Variants in PPP1R9A observed in about 807,000 individuals in gnomAD.
The protein encoded by PPP1R9A is protein phosphatase 1 regulatory subunit 9A.
Under a neutral mutation model 141.9 loss-of-function variants are expected in PPP1R9A, and 59 were observed. That is an observed-to-expected ratio of 0.42 (90% CI 0.34 to 0.52). The LOEUF is 0.52. PPP1R9A is among the 20% of genes least tolerant of loss of function. The probability of loss-of-function intolerance (pLI) is 0.10; values close to 1 mark genes in which losing one functional copy is unlikely to be tolerated. For synonymous variants in PPP1R9A, 500 were observed against 569.7 expected, an observed-to-expected ratio of 0.88 and a Z score of 1.74; for missense variants, 1,444 against 1,611.9, an observed-to-expected ratio of 0.90 and a Z score of 1.78.
At chr7:95,281,374 CCTGT>C (rs1804196287) in intron 16 of PPP1R9A, among the ~76,000 whole-genome samples, 1 of 152,262 alleles carries the variant, frequency 6.6e-6, no homozygotes, top group East Asian at 1.9e-4. Flanking sequence ...CTTCCTCCTT[CCTGT>C]CTATTACTTG....
intron 4 of PPP1R9A, among the ~76,000 whole-genome samples, chr7:95,140,175 T>C (rs140039796): frequency 2.4e-4 from 37 of 152,252 alleles, no homozygotes; most frequent in African/African-American, 8.4e-4. Flanking sequence ...GAGCGTAAGC[T>C]AGAGAGAACT....
rs916467233 is a variant in PPP1R9A at position 95,234,484 on chromosome 7, C to CCTCT, written c.2112+8369_2112+8372dup. On this transcript the variant is annotated intron_variant, in intron 8 of 19. Transcript: ENST00000433360. ...TATACCTAACCAAGAAGGTAAAAGA[C>CCTCT]CTCTATAAGGAAAACTACAAAACAC... Among the ~76,000 whole-genome samples, 80 of 152,166 alleles carry CCTCT rather than the reference C, an allele frequency of 5.3e-4. 2 individuals carry two copies. The highest frequency in any genetic ancestry group is 1.9e-3 in the African/African-American group (78 of 41,512).
At chr7:95,213,248 A>G (rs1199879304) in intron 7 of PPP1R9A, among the ~76,000 whole-genome samples, 2 of 151,094 alleles carry the variant, frequency 1.3e-5, no homozygotes, top group Non-Finnish European at 2.9e-5. Flanking sequence ...ATCACTCATT[A>G]TTCAAAAATT....
At chr7:95,056,915 A>G (rs1584471063) in intron 2 of PPP1R9A, among the ~76,000 whole-genome samples, 1 of 152,148 alleles carries the variant, frequency 6.6e-6, no homozygotes, top group Non-Finnish European at 1.5e-5. Flanking sequence ...AAATTATCAG[A>G]CACACCTTCA....
chr7:95,196,196 G>C (rs1429676726), intron 5 of PPP1R9A, among the ~76,000 whole-genome samples: 1 of 152,078 alleles, frequency 6.6e-6, no homozygotes, highest in Non-Finnish European at 1.5e-5. Flanking sequence ...CACTGCAGAA[G>C]ATATGTGAAT....
At position 95,205,974 on chromosome 7, in the gene PPP1R9A, A is replaced by C. The variant is rs558660775; in HGVS notation, c.1956+2244A>C. Among the ~76,000 whole-genome samples, 14 of 152,296 alleles carry C rather than the reference A, an allele frequency of 9.2e-5. 1 individual carries two copies. Among genetic ancestry groups the C allele is most frequent in the Admixed American group, 7.2e-4 (11 of 15,300 alleles). Reference sequence around the variant, plus strand: ...TCTTCATGTAAAACCAGAAAAAAAAACAAACGTGCATATTTTAGCCCTTGA... The same window carrying C: ...TCTTCATGTAAAACCAGAAAAAAAACCAAACGTGCATATTTTAGCCCTTGA... On this transcript the variant is annotated intron_variant, in intron 7 of 19. Transcript: ENST00000433360.
Position 95,182,865 on chromosome 7 carries a change from TTGA to T in PPP1R9A, c.1755-15480_1755-15478del, listed in dbSNP as rs77685587. Among the ~76,000 whole-genome samples the T allele has an allele frequency of 0.022, 3,278 of 152,320 alleles. 168 individuals carry two copies. The East Asian group carries it at 0.23, about 11-fold the overall frequency. On this transcript the variant is annotated intron_variant, in intron 5 of 19. Transcript: ENST00000433360. ...AAAACTAATTAAATGTGATTTTGCCTTGATGAGGCATTTTCTGGTGTCACTATA... is the reference window on the plus strand; with the variant it reads ...AAAACTAATTAAATGTGATTTTGCCTTGAGGCATTTTCTGGTGTCACTATA...
chr7:95,288,733 G>A lies in PPP1R9A; in HGVS notation c.3912+15G>A. Reference sequence around the variant, plus strand: ...ATAAACTTAAGGTAAAGAATTATATGTCTGTCTTAGGTTACCAGGTATAAT... The same window carrying A: ...ATAAACTTAAGGTAAAGAATTATATATCTGTCTTAGGTTACCAGGTATAAT... On this transcript the variant is annotated intron_variant, in intron 19 of 19. Transcript: ENST00000433360. 3 of 1,611,694 alleles carry A rather than the reference G, an allele frequency of 1.9e-6. No homozygotes were observed. The African/African-American group carries it at 4.0e-5, about 21-fold the overall frequency.
At chr7:94,967,365 ATTTG>A (rs1485524604) in intron 2 of PPP1R9A, among the ~76,000 whole-genome samples, 1 of 151,602 alleles carries the variant, frequency 6.6e-6, no homozygotes, top group African/African-American at 2.4e-5. Context: ...TAGCTTTTGA[ATTTG>A]TTTGCTCTTG....
chr7:95,060,251 G>A (rs578189648), intron 2 of PPP1R9A, among the ~76,000 whole-genome samples: 2 of 152,296 alleles, frequency 1.3e-5, no homozygotes, highest in South Asian at 4.1e-4. Flanking sequence ...TTGAGAGGCT[G>A]ACAAGTAAGT....
chr7:94,917,676 G>GA (rs1259911412), intron 2 of PPP1R9A, among the ~76,000 whole-genome samples: 1 of 151,710 alleles, frequency 6.6e-6, no homozygotes, highest in Non-Finnish European at 1.5e-5. Context: ...CCGAAGTGCT[G>GA]AGATTAAAGG....
At chr7:95,013,828 A>C (rs975313716) in intron 2 of PPP1R9A, among the ~76,000 whole-genome samples, 1 of 152,102 alleles carries the variant, frequency 6.6e-6, no homozygotes, top group Non-Finnish European at 1.5e-5. Flanking sequence ...ACAAGTTTTT[A>C]GCATTTTCTC....
intron 2 of PPP1R9A, among the ~76,000 whole-genome samples, chr7:94,917,574 A>AT (rs558296990): frequency 0.25 from 34,803 of 140,094 alleles, 4,662 homozygotes; most frequent in South Asian, 0.4. Context: ...GCCTGTTATT[A>AT]TTTTTTTTTT....
At chr7:95,289,944 G>A in intron 19 of PPP1R9A, 147 bp from the exon 20 acceptor site, 1 of 1,340,922 alleles carries the variant, frequency 7.5e-7, no homozygotes, top group East Asian at 2.5e-5. Flanking sequence ...CCAGTGTGTT[G>A]GTTTTTAGCA....
intron 8 of PPP1R9A, among the ~76,000 whole-genome samples, chr7:95,230,802 C>T (rs540318077): frequency 6.6e-6 from 1 of 152,100 alleles, no homozygotes; most frequent in South Asian, 2.1e-4. Flanking sequence ...AAAATAGAAC[C>T]TTCTTCAAGC....
At chr7:95,129,132 T>C (rs1824108291) in intron 4 of PPP1R9A, among the ~76,000 whole-genome samples, 2 of 152,202 alleles carry the variant, frequency 1.3e-5, no homozygotes, top group Admixed American at 6.5e-5. Flanking sequence ...CTTATTTTTG[T>C]CAATTTTGTC....
intron 2 of PPP1R9A, among the ~76,000 whole-genome samples, chr7:94,954,920 A>G (rs1796920352): frequency 6.6e-6 from 1 of 151,750 alleles, no homozygotes; most frequent in African/African-American, 2.4e-5. Context: ...AACAAAGTCT[A>G]CAGTTATTCA....
intron 2 of PPP1R9A, among the ~76,000 whole-genome samples, chr7:94,944,969 C>A (rs1258415579): frequency 6.6e-6 from 1 of 151,920 alleles, no homozygotes; most frequent in Admixed American, 6.6e-5. Flanking sequence ...AGACTAAAAG[C>A]TTTTTGAAAG....
At chr7:95,096,845 C>T (rs1818090948) in intron 2 of PPP1R9A, among the ~76,000 whole-genome samples, 1 of 152,132 alleles carries the variant, frequency 6.6e-6, no homozygotes, top group Admixed American at 6.6e-5. Context: ...CCCCAACCCG[C>T]CTTATGTTTG....
Sources: allele counts gnomAD v4.1 joint callset (sites outside exome capture counted in the v4.1 genomes callset), GRCh38; gene constraint gnomAD v4.1.1; transcripts MANE v1.5; gene names NCBI Gene and HGNC (gene_info 2026-07-23, HGNC 2026-07-21).